The following COL19A1 variants were observed in gnomAD, a reference collection of about 807,000 sequenced individuals.
COL19A1 encodes collagen type XIX alpha 1 chain.
COL19A1 carries 159 observed loss-of-function variants against 190.2 expected under a neutral mutation model. That is an observed-to-expected ratio of 0.84 (90% CI 0.73 to 0.95). The LOEUF is 0.95. COL19A1 is among the 40% of genes least tolerant of loss of function. The probability of loss-of-function intolerance (pLI) is 0.00; values close to 1 mark genes in which losing one functional copy is unlikely to be tolerated. For missense variants in COL19A1, 1,418 were observed against 1,431.9 expected (o/e 0.99, Z 0.16); for synonymous variants, 509 against 458.9 (o/e 1.11, Z -1.39).
intron 16 of COL19A1, among the ~76,000 whole-genome samples, chr6:70,110,010 C>T (rs754771696): frequency 7.6e-4 from 115 of 152,130 alleles, no homozygotes; most frequent in Non-Finnish European, 1.2e-3. Flanking sequence ...TCTTCCGTCT[C>T]CAACTTTATT....
intron 40 of COL19A1, among the ~76,000 whole-genome samples, chr6:70,170,135 A>C (rs1765409828): frequency 6.6e-6 from 1 of 152,196 alleles, no homozygotes; most frequent in African/African-American, 2.4e-5. Context: ...GCACAGAAAC[A>C]GAAAAATGCA....
chr6:70,150,002 G>C lies in COL19A1; in HGVS notation c.1994G>C (p.Gly665Ala). The change falls in exon 30 of 51, where the codon GGG becomes GCG. Residue 665 changes from glycine to alanine, a missense_variant. By Grantham distance (60) the Gly-to-Ala change is moderately conservative (BLOSUM62 0). Transcript: ENST00000620364. ...TACCTCTGTTTTCAGGGAGTTCCAG[G>C]GAGAGATGGAAAGCCAGGCCTGCCA... The part of the protein sequence containing the change: ...PGTPGNDGVP[G>A]RDGKPGLPGP... 2 of 1,613,784 alleles carry C rather than the reference G, an allele frequency of 1.2e-6. No individual in the cohort carries two copies. The highest frequency in any genetic ancestry group is 2.2e-5 in the South Asian group (2 of 91,068).
chr6:69,999,733 C>T (rs1043496311), intron 11 of COL19A1, among the ~76,000 whole-genome samples: 3 of 152,066 alleles, frequency 2.0e-5, no homozygotes, highest in African/African-American at 7.2e-5. Context: ...AATGTAAGCT[C>T]TGTTAAGATG....
At chr6:69,940,129 A>G (rs1373871102) in intron 9 of COL19A1, among the ~76,000 whole-genome samples, 2 of 152,146 alleles carry the variant, frequency 1.3e-5, no homozygotes, top group Non-Finnish European at 2.9e-5. Flanking sequence ...TATTTTAAAA[A>G]TCGTTAAATC....
chr6:70,191,033 T>C (rs1766837659), intron 48 of COL19A1, among the ~76,000 whole-genome samples: 1 of 151,650 alleles, frequency 6.6e-6, no homozygotes, highest in Admixed American at 6.5e-5. Context: ...CTTCGCCTCT[T>C]TTCTCTGGCT....
intron 11 of COL19A1, among the ~76,000 whole-genome samples, chr6:70,007,259 A>G (rs1777691711): frequency 6.6e-6 from 1 of 152,128 alleles, no homozygotes; most frequent in Non-Finnish European, 1.5e-5. Context: ...TGTGAACAGA[A>G]TAAATACATC....
chr6:70,017,546 T>C (rs1554189369), intron 11 of COL19A1, among the ~76,000 whole-genome samples: 1 of 152,102 alleles, frequency 6.6e-6, no homozygotes, highest in Non-Finnish European at 1.5e-5. Context: ...AGTAGGAACA[T>C]GAGACTCATT....
rs750506744 is a variant in COL19A1 at position 70,168,010 on chromosome 6, C to G, written c.2446-15C>G. ...AACTTCCAAGAATAATTCTGTATCT[C>G]ACCTCTTTCCTAAGGGTATTCCATT... is the stretch of plus-strand genomic sequence containing the variant. On this transcript the variant is annotated splice_polypyrimidine_tract_variant and intron_variant, in intron 37 of 50. Transcript: ENST00000620364. 11 of 1,569,808 alleles carry G rather than the reference C, an allele frequency of 7.0e-6. No individual in the cohort carries two copies. In the South Asian group the frequency reaches 1.3e-4, roughly 18 times the overall value.
chr6:70,168,220 G>A lies in COL19A1; in HGVS notation c.2541+5G>A, dbSNP rs757973439. The stretch of plus-strand genomic sequence containing the variant: ...CCAGGGCCACCCGGTCCTCCTGTAA[G>A]TACAGTTGTTTATCATCAAACACAC... On this transcript the variant is annotated splice_donor_5th_base_variant and intron_variant, in intron 39 of 50. Transcript: ENST00000620364. 3 of 1,612,724 alleles carry A rather than the reference G, an allele frequency of 1.9e-6. No homozygotes were observed. Among genetic ancestry groups the A allele is most frequent in the South Asian group, 1.1e-5 (1 of 90,730 alleles).
intron 9 of COL19A1, among the ~76,000 whole-genome samples, chr6:69,955,124 C>G (rs1326390211): frequency 2.0e-5 from 3 of 152,072 alleles, no homozygotes; most frequent in Non-Finnish European, 4.4e-5. Context: ...TTTAAAGACT[C>G]TCTTACAGTT....
At chr6:70,170,504 T>A (rs1765434279) in intron 40 of COL19A1, among the ~76,000 whole-genome samples, 1 of 152,106 alleles carries the variant, frequency 6.6e-6, no homozygotes, top group African/African-American at 2.4e-5. Context: ...TCCATTTCAT[T>A]CCTTTGGTAT....
chr6:70,164,261 T>C (rs1787991841), intron 36 of COL19A1, among the ~76,000 whole-genome samples: 1 of 152,150 alleles, frequency 6.6e-6, no homozygotes, highest in African/African-American at 2.4e-5. Flanking sequence ...CAGTTTTACA[T>C]GTTTACCCCA....
chr6:70,112,703 A>T (rs548614194), intron 16 of COL19A1, among the ~76,000 whole-genome samples: 2 of 152,314 alleles, frequency 1.3e-5, no homozygotes, highest in South Asian at 2.1e-4. Context: ...AAATGGGTTA[A>T]TTATGCCCAT....
At chr6:69,912,783 T>C (rs1377112905) in intron 4 of COL19A1, among the ~76,000 whole-genome samples, 2 of 152,162 alleles carry the variant, frequency 1.3e-5, no homozygotes, top group African/African-American at 4.8e-5. Flanking sequence ...CACCATCATT[T>C]GTGAGTCTCA....
At chr6:69,872,658 T>G in intron 1 of COL19A1, among the ~76,000 whole-genome samples, 1 of 152,184 alleles carries the variant, frequency 6.6e-6, no homozygotes, top group East Asian at 1.9e-4. Flanking sequence ...CAAATGATGG[T>G]GAGAATAATG....
intron 30 of COL19A1, among the ~76,000 whole-genome samples, chr6:70,150,747 T>C (rs989641081): frequency 1.3e-5 from 2 of 152,168 alleles, no homozygotes; most frequent in Non-Finnish European, 2.9e-5. Flanking sequence ...TTATAAGCTA[T>C]GTGTGGAGGC....
intron 12 of COL19A1, among the ~76,000 whole-genome samples, chr6:70,029,708 A>G (rs1323644803): frequency 6.6e-6 from 1 of 152,184 alleles, no homozygotes; most frequent in African/African-American, 2.4e-5. Context: ...CGTGAGTTAC[A>G]TGGGCCTACT....
intron 34 of COL19A1, among the ~76,000 whole-genome samples, chr6:70,159,715 A>G (rs993231064): frequency 1.3e-5 from 2 of 152,158 alleles, no homozygotes; most frequent in Non-Finnish European, 1.5e-5. Context: ...AATGCTGATA[A>G]TCAATATGCA....
At chr6:69,870,058 C>G (rs1767731313) in intron 1 of COL19A1, among the ~76,000 whole-genome samples, 1 of 152,154 alleles carries the variant, frequency 6.6e-6, no homozygotes, top group Non-Finnish European at 1.5e-5. Flanking sequence ...AATTTTTACT[C>G]TATTTCTCCA....
Sources: gnomAD v4.1 joint callset for allele counts (sites outside exome capture counted in the v4.1 genomes callset) on GRCh38, gnomAD v4.1.1 for gene constraint, MANE v1.5 for transcripts, NCBI Gene and HGNC (gene_info 2026-07-23, HGNC 2026-07-21) for gene names.